FA2H: variants seen among roughly 807,000 people sequenced by gnomAD.
The protein encoded by FA2H is fatty acid alpha-hydroxylase.
In FA2H, 22 loss-of-function variants were observed where a neutral mutation model predicts 44.9. That is an observed-to-expected ratio of 0.49 (90% CI 0.35 to 0.70). The LOEUF (loss-of-function observed/expected upper bound fraction) is 0.70, where lower values mean the gene tolerates loss of function less well. Among genes scored for constraint, FA2H ranks in the 30% least tolerant of loss-of-function variants. FA2H has a pLI of 0.01. For synonymous variants in FA2H, 243 were observed against 213.2 expected (o/e 1.14, Z -1.22); for missense variants, 501 against 504.9 (o/e 0.99, Z 0.07).
chr16:74,756,407 G>T (rs1045104964), intron 1 of FA2H, among the ~76,000 whole-genome samples: 1 of 152,130 alleles, frequency 6.6e-6, no homozygotes, highest in Non-Finnish European at 1.5e-5. Flanking sequence ...GCTGCCGCTT[G>T]CAAGGGTTTC....
intron 1 of FA2H, among the ~76,000 whole-genome samples, chr16:74,755,556 AT>A (rs1962597046): frequency 6.6e-6 from 1 of 151,992 alleles, no homozygotes; most frequent in Admixed American, 6.6e-5. Flanking sequence ...CTGTTATTTT[AT>A]TTTTCTACTC....
At chr16:74,759,301 G>A (rs958978882) in intron 1 of FA2H, among the ~76,000 whole-genome samples, 7 of 152,166 alleles carry the variant, frequency 4.6e-5, no homozygotes, top group African/African-American at 9.7e-5. Context: ...AGCCACTGCC[G>A]TAGAGAAGGT....
intron 1 of FA2H, among the ~76,000 whole-genome samples, chr16:74,755,532 T>C (rs370389633): frequency 6.6e-6 from 1 of 152,202 alleles, no homozygotes; most frequent in African/African-American, 2.4e-5. Flanking sequence ...TTGCTGCATA[T>C]AACCATTCAT....
In FA2H at chr16:74,727,236, G is replaced by C; in HGVS notation, c.506+8C>G. 1 of 1,614,014 alleles carries C rather than the reference G, an allele frequency of 6.2e-7. No individual in the cohort carries two copies. Among genetic ancestry groups the C allele is most frequent in the Non-Finnish European group, 8.5e-7 (1 of 1,180,038 alleles). On this transcript the variant is annotated splice_region_variant and intron_variant, in intron 3 of 6. Coordinates refer to ENST00000219368, the MANE Select transcript of FA2H (RefSeq NM_024306.5). ...GACAGCCTGCCACAGGCTCAGGGAA[G>C]AGCTCACCAGACAGTCTTAGAGAGG...
chr16:74,759,908 T>C (rs1962675668), intron 1 of FA2H, among the ~76,000 whole-genome samples: 5 of 152,124 alleles, frequency 3.3e-5, no homozygotes, highest in Admixed American at 2.0e-4. Flanking sequence ...TGCAACCCCA[T>C]GGCAAGTTTT....
At chr16:74,756,824 A>G (rs1381486839) in intron 1 of FA2H, among the ~76,000 whole-genome samples, 1 of 152,108 alleles carries the variant, frequency 6.6e-6, no homozygotes, top group African/African-American at 2.4e-5. Flanking sequence ...CTAAAATAAT[A>G]CCTATTTTTT....
intron 1 of FA2H, among the ~76,000 whole-genome samples, chr16:74,761,279 C>G (rs1306979865): frequency 6.6e-6 from 1 of 152,040 alleles, no homozygotes; most frequent in Non-Finnish European, 1.5e-5. Context: ...ATGGTAAAAC[C>G]CTGTCTCTAC....
chr16:74,715,056 T>G (rs1000174776), intron 6 of FA2H, among the ~76,000 whole-genome samples: 45 of 152,066 alleles, frequency 3.0e-4, no homozygotes, highest in African/African-American at 1.0e-3. Context: ...CAGGCTGGTC[T>G]TGAACTCCTG....
intron 1 of FA2H, among the ~76,000 whole-genome samples, chr16:74,765,687 G>C (rs565709796): frequency 6.6e-6 from 1 of 152,080 alleles, no homozygotes; most frequent in African/African-American, 2.4e-5. Flanking sequence ...CCAAATAGCT[G>C]GGACTACAGA....
intron 1 of FA2H, among the ~76,000 whole-genome samples, chr16:74,763,329 T>C (rs1254750020): frequency 6.6e-6 from 1 of 152,032 alleles, no homozygotes; most frequent in African/African-American, 2.4e-5. Flanking sequence ...GTGATTTCCA[T>C]TCACTGCAAC....
intron 6 of FA2H, among the ~76,000 whole-genome samples, chr16:74,715,812 C>CTTTTTT (rs1281614622): frequency 6.7e-6 from 1 of 149,198 alleles, no homozygotes; most frequent in African/African-American, 2.5e-5. Context: ...TCTTCTTCTT[C>CTTTTTT]TTCTTTTTTT....
chr16:74,749,170 T>C (rs1291361515), intron 1 of FA2H, among the ~76,000 whole-genome samples: 1 of 152,146 alleles, frequency 6.6e-6, no homozygotes, highest in Non-Finnish European at 1.5e-5. Flanking sequence ...GAGCTGGTTG[T>C]TTTTGGTAAA....
chr16:74,766,451 G>C (rs1389748085), intron 1 of FA2H, among the ~76,000 whole-genome samples: 1 of 152,192 alleles, frequency 6.6e-6, no homozygotes, highest in Non-Finnish European at 1.5e-5. Context: ...CTGGACTTAA[G>C]GGATATGGCA....
At chr16:74,718,918 G>C in intron 5 of FA2H, 70 bp downstream of exon 5, 6 of 1,567,528 alleles carry the variant, frequency 3.8e-6, no homozygotes, top group Non-Finnish European at 5.2e-6. Context: ...AGCACCTGAA[G>C]CTGCGGCTGG....
intron 6 of FA2H, among the ~76,000 whole-genome samples, chr16:74,715,800 T>TTTC (rs754616483): frequency 3.5e-4 from 53 of 150,852 alleles, no homozygotes; most frequent in East Asian, 1.2e-3. Flanking sequence ...CTTGCTTTAC[T>TTTC]TTCTTCTTCT....
intron 1 of FA2H, among the ~76,000 whole-genome samples, chr16:74,742,147 A>C (rs1351705098): frequency 6.6e-6 from 1 of 152,014 alleles, no homozygotes; most frequent in East Asian, 1.9e-4. Flanking sequence ...ACATTTCCCC[A>C]GTGGGTCGTG....
At chr16:74,735,300 G>C (rs916010207) in intron 2 of FA2H, among the ~76,000 whole-genome samples, 5 of 152,164 alleles carry the variant, frequency 3.3e-5, no homozygotes, top group African/African-American at 1.2e-4. Flanking sequence ...GGCTCTTGGT[G>C]GCGTTGCCGG....
chr16:74,731,279 C>T lies in FA2H; in HGVS notation c.364-3893G>A, dbSNP rs574082991. Among the ~76,000 whole-genome samples the T allele has an allele frequency of 2.1e-5, 3 of 145,478 alleles. No individual in the cohort carries two copies. In the South Asian group the frequency reaches 6.5e-4, roughly 32 times the overall value. ...CCTCCTGAGTAGCTGGGATTATAGG[C>T]GCCCACCACCACGTCTGGCTTTTTT... is the stretch of plus-strand genomic sequence containing the variant. On this transcript the variant is annotated intron_variant, in intron 2 of 6. Coordinates refer to ENST00000219368, the MANE Select transcript of FA2H (RefSeq NM_024306.5).
chr16:74,761,222 C>T (rs1372053133), intron 1 of FA2H, among the ~76,000 whole-genome samples: 6 of 152,100 alleles, frequency 3.9e-5, no homozygotes, highest in African/African-American at 7.2e-5. Flanking sequence ...GAAGCCAAGG[C>T]GAGCAGATCA....
Sources: allele counts gnomAD v4.1 joint callset (sites outside exome capture counted in the v4.1 genomes callset), GRCh38; gene constraint gnomAD v4.1.1; transcripts MANE v1.5; gene names NCBI Gene and HGNC (gene_info 2026-07-23, HGNC 2026-07-21).